The following COMMD10 variants were observed in gnomAD, a reference collection of about 807,000 sequenced individuals.
The protein encoded by COMMD10 is COMM domain-containing protein 10.
Under a neutral mutation model 28.9 loss-of-function variants are expected in COMMD10, and 33 were observed. The observed-to-expected ratio is 1.14, with a 90% CI of 0.87 to 1.53. The LOEUF (loss-of-function observed/expected upper bound fraction) is 1.53, where lower values mean the gene tolerates loss of function less well. Ranked by LOEUF, COMMD10 falls within the 40% of genes most tolerant of loss-of-function variation. The pLI is 0.00. For synonymous variants in COMMD10, 110 were observed against 81.7 expected, an observed-to-expected ratio of 1.35 and a Z score of -1.87; for missense variants, 310 against 233.4, an observed-to-expected ratio of 1.33 and a Z score of -2.14.
At chr5:116,132,981 A>G (rs922952737) in intron 4 of COMMD10, among the ~76,000 whole-genome samples, 4 of 152,154 alleles carry the variant, frequency 2.6e-5, no homozygotes, top group Non-Finnish European at 5.9e-5. Context: ...TCTCTCAAAT[A>G]GATAATACTT....
At chr5:116,160,198 G>C (rs1752871022) in intron 5 of COMMD10, among the ~76,000 whole-genome samples, 1 of 152,206 alleles carries the variant, frequency 6.6e-6, no homozygotes, top group African/African-American at 2.4e-5. Flanking sequence ...AGATATGGGA[G>C]AGACTGTAAT....
At chr5:116,266,348 T>C in intron 5 of COMMD10, among the ~76,000 whole-genome samples, 2 of 151,958 alleles carry the variant, frequency 1.3e-5, no homozygotes, top group South Asian at 4.1e-4. Flanking sequence ...GTTATATTTT[T>C]CTTTTTAACT....
chr5:116,124,967 C>T (rs1751574149), intron 4 of COMMD10, among the ~76,000 whole-genome samples: 2 of 152,092 alleles, frequency 1.3e-5, no homozygotes, highest in African/African-American at 2.4e-5. Flanking sequence ...TGTCTCTGCA[C>T]GTGAAGTGGT....
chr5:116,204,672 A>G (rs1207997112), intron 5 of COMMD10, among the ~76,000 whole-genome samples: 2 of 152,168 alleles, frequency 1.3e-5, no homozygotes, highest in African/African-American at 4.8e-5. Flanking sequence ...ACTCATTGAC[A>G]CTTAATATGC....
intron 4 of COMMD10, among the ~76,000 whole-genome samples, chr5:116,105,223 G>T (rs565109981): frequency 1.5e-3 from 223 of 152,204 alleles, no homozygotes; most frequent in Non-Finnish European, 2.4e-3. Flanking sequence ...TAATCTTGTT[G>T]TTTTTTCATT....
chr5:116,242,414 C>A (rs1749836265), intron 5 of COMMD10, among the ~76,000 whole-genome samples: 1 of 152,122 alleles, frequency 6.6e-6, no homozygotes, highest in South Asian at 2.1e-4. Flanking sequence ...ATACCAGGCA[C>A]CGTGCAAGTC....
At chr5:116,271,021 G>C (rs1023352319) in intron 5 of COMMD10, among the ~76,000 whole-genome samples, 4 of 151,420 alleles carry the variant, frequency 2.6e-5, no homozygotes, top group African/African-American at 9.7e-5. Flanking sequence ...ATAAATTGGG[G>C]CAGGAAATCA....
At chr5:116,212,621 G>T (rs1339184040) in intron 5 of COMMD10, among the ~76,000 whole-genome samples, 1 of 151,436 alleles carries the variant, frequency 6.6e-6, no homozygotes, top group Non-Finnish European at 1.5e-5. Flanking sequence ...AAATAAGCAT[G>T]TAAGCTGTAT....
chr5:116,116,066 A>G (rs1751223746), intron 4 of COMMD10, among the ~76,000 whole-genome samples: 1 of 152,196 alleles, frequency 6.6e-6, no homozygotes, highest in Non-Finnish European at 1.5e-5. Context: ...TTTCCATAAT[A>G]TAAACTATTA....
chr5:116,096,526 G>T (rs1750475139), intron 4 of COMMD10, among the ~76,000 whole-genome samples: 1 of 151,920 alleles, frequency 6.6e-6, no homozygotes, highest in Admixed American at 6.6e-5. Context: ...CAGTCACGTT[G>T]TCTGTGAATA....
At chr5:116,259,187 A>G (rs1298168681) in intron 5 of COMMD10, among the ~76,000 whole-genome samples, 1 of 150,064 alleles carries the variant, frequency 6.7e-6, no homozygotes, top group East Asian at 2.0e-4. Context: ...CTCAGCCTCC[A>G]GAGTACCTGG....
intron 4 of COMMD10, among the ~76,000 whole-genome samples, chr5:116,123,866 T>G (rs1055541515): frequency 2.0e-5 from 3 of 152,180 alleles, no homozygotes; most frequent in Non-Finnish European, 4.4e-5. Context: ...TAGAGGTGTT[T>G]ATAGTATTCT....
intron 5 of COMMD10, among the ~76,000 whole-genome samples, chr5:116,198,283 G>A (rs1030988323): frequency 8.5e-5 from 13 of 152,060 alleles, no homozygotes; most frequent in Admixed American, 3.9e-4. Flanking sequence ...ATAAAGAATA[G>A]CAAACATTGT....
intron 5 of COMMD10, among the ~76,000 whole-genome samples, chr5:116,135,931 G>T (rs1752013140): frequency 6.6e-6 from 1 of 151,998 alleles, no homozygotes; most frequent in South Asian, 2.1e-4. Flanking sequence ...TAAAATATAG[G>T]TAATAGTATC....
At chr5:116,142,979 A>G (rs769577650) in intron 5 of COMMD10, among the ~76,000 whole-genome samples, 21 of 150,718 alleles carry the variant, frequency 1.4e-4, no homozygotes, top group Admixed American at 2.7e-4. Flanking sequence ...ATTGTGATCA[A>G]TTTCTCAATG....
intron 5 of COMMD10, among the ~76,000 whole-genome samples, chr5:116,274,143 A>G (rs1240855789): frequency 6.6e-6 from 1 of 151,782 alleles, no homozygotes; most frequent in East Asian, 1.9e-4. Flanking sequence ...ATGCACTTAC[A>G]CTGTATTCAG....
intron 5 of COMMD10, among the ~76,000 whole-genome samples, chr5:116,205,873 T>C (rs966152834): frequency 3.3e-5 from 5 of 152,170 alleles, no homozygotes; most frequent in South Asian, 2.1e-4. Flanking sequence ...CTTTCAGATA[T>C]ATATTTGCTT....
At chr5:116,133,023 C>G (rs1287644578) in intron 4 of COMMD10, among the ~76,000 whole-genome samples, 2 of 152,098 alleles carry the variant, frequency 1.3e-5, no homozygotes, top group Admixed American at 6.5e-5. Context: ...GGCTTTGAGT[C>G]ACTGCTGTGA....
chr5:116,162,710 G>A (rs1752956147), intron 5 of COMMD10, among the ~76,000 whole-genome samples: 1 of 152,166 alleles, frequency 6.6e-6, no homozygotes, highest in South Asian at 2.1e-4. Context: ...CAGAGGGACA[G>A]TTTGTATACT....
Sources: gnomAD v4.1 joint callset for allele counts (sites outside exome capture counted in the v4.1 genomes callset) on GRCh38, gnomAD v4.1.1 for gene constraint, MANE v1.5 for transcripts, NCBI Gene and HGNC (gene_info 2026-07-23, HGNC 2026-07-21) for gene names.